Variants in CCDC171 observed in about 807,000 individuals in gnomAD.
The protein encoded by CCDC171 is coiled-coil domain-containing protein 171.
Under a neutral mutation model 168.2 loss-of-function variants are expected in CCDC171, and 177 were observed. That is an observed-to-expected ratio of 1.05 (90% CI 0.93 to 1.19). The LOEUF is 1.19. CCDC171 is among the 50% of genes most tolerant of loss of function. The pLI, the probability that CCDC171 is intolerant of heterozygous loss-of-function variation, is 0.00. For synonymous variants in CCDC171, 687 were observed against 540.8 expected (o/e 1.27, Z -3.75); for missense variants, 1,991 against 1,539.0 (o/e 1.29, Z -4.91).
At chr9:15,893,178 A>G (rs1820444126) in intron 24 of CCDC171, among the ~76,000 whole-genome samples, 1 of 152,222 alleles carries the variant, frequency 6.6e-6, no homozygotes, top group Admixed American at 6.5e-5. Flanking sequence ...AAAACAAGCA[A>G]TGGGGAAAAA....
At chr9:15,951,881 G>T (rs757216576) in intron 25 of CCDC171, among the ~76,000 whole-genome samples, 11 of 152,060 alleles carry the variant, frequency 7.2e-5, no homozygotes, top group African/African-American at 2.4e-4. Flanking sequence ...AGTTCAATTT[G>T]TCTGTTTTTT....
At chr9:15,980,578 G>T (rs1225110613) in intron 3 of CCDC171, among the ~76,000 whole-genome samples, 1 of 152,040 alleles carries the variant, frequency 6.6e-6, no homozygotes, top group African/African-American at 2.4e-5. Flanking sequence ...TTTCTTAAAA[G>T]CCATCTTTCA....
At chr9:15,615,241 A>T (rs1048396903) in intron 6 of CCDC171, among the ~76,000 whole-genome samples, 1 of 152,176 alleles carries the variant, frequency 6.6e-6, no homozygotes, top group African/African-American at 2.4e-5. Context: ...TTCTAACTCA[A>T]TGTAGTCAGT....
chr9:15,802,605 GCATGGTATTC>G (rs1458720107), intron 21 of CCDC171, among the ~76,000 whole-genome samples: 6 of 152,120 alleles, frequency 3.9e-5, no homozygotes, highest in Admixed American at 2.0e-4. Context: ...TTTTATGGCT[GCATGGTATTC>G]CATGTTGTAT....
chr9:15,893,253 C>T (rs1381005672), intron 24 of CCDC171, among the ~76,000 whole-genome samples: 1 of 152,074 alleles, frequency 6.6e-6, no homozygotes, highest in Non-Finnish European at 1.5e-5. Context: ...GAAACTGGAC[C>T]CCTTCTTTAC....
intron 11 of CCDC171, among the ~76,000 whole-genome samples, chr9:15,713,869 A>C (rs2052876440): frequency 6.6e-6 from 1 of 151,402 alleles, no homozygotes; most frequent in Non-Finnish European, 1.5e-5. Context: ...TCTACATACT[A>C]GATTGTGATA....
At chr9:15,933,391 T>C (rs928710756) in intron 25 of CCDC171, among the ~76,000 whole-genome samples, 2 of 151,912 alleles carry the variant, frequency 1.3e-5, no homozygotes, top group African/African-American at 4.8e-5. Context: ...ATATTATTTA[T>C]TTTTTCTTTC....
intron 21 of CCDC171, among the ~76,000 whole-genome samples, chr9:15,787,714 A>G (rs1053474044): frequency 3.3e-5 from 5 of 152,232 alleles, no homozygotes; most frequent in Admixed American, 2.6e-4. Flanking sequence ...GCCTACAGCA[A>G]GTTTCTACTG....
At chr9:15,901,494 C>A (rs549608926) in intron 24 of CCDC171, among the ~76,000 whole-genome samples, 1 of 152,110 alleles carries the variant, frequency 6.6e-6, no homozygotes. Flanking sequence ...TTCTGTGAAC[C>A]TAAAATTGCT....
chr9:16,064,614 G>C (rs2133091058), downstream of CCDC171, among the ~76,000 whole-genome samples: 1 of 152,246 alleles, frequency 6.6e-6, no homozygotes, highest in East Asian at 1.9e-4. Flanking sequence ...TCTCAATGAG[G>C]ATCTTTGTGT....
In CCDC171 at chr9:15,973,515, C is replaced by G. The variant is rs1831526546; in HGVS notation, c.*1679C>G. The G allele has an allele frequency of 1.3e-5, 2 of 152,200 alleles. No homozygotes were observed. Among genetic ancestry groups the G allele is most frequent in the African/African-American group, 4.8e-5 (2 of 41,556 alleles). The allele number at this position is 152,200 out of a possible 1,614,324, so 9.4% of individuals were successfully genotyped here. ...ATCCTATTCTTGTAATACTGAACCACTATAATTAGCTTTATATAAAACTTT... is the reference window on the plus strand; with the variant it reads ...ATCCTATTCTTGTAATACTGAACCAGTATAATTAGCTTTATATAAAACTTT... On this transcript the variant is annotated 3_prime_UTR_variant, in exon 26 of 26. Transcript: ENST00000380701.
rs533811137 is a variant in CCDC171 at position 15,874,539 on chromosome 9, A to G, written c.3476A>G (p.Asp1159Gly). The G allele has an allele frequency of 1.6e-5, 25 of 1,600,282 alleles. No homozygotes were observed. In the African/African-American group the frequency reaches 3.2e-4, roughly 21 times the overall value. ...CTGTTTTTTTCCCTTTAGGTCAGAG[A>G]TCAGATCTCGCTGTCATGGTCTGCG... ...AVENTLHKVRDQISLSWSAAS... is the reference protein window; with the variant it reads ...AVENTLHKVRGQISLSWSAAS... Residue 1159 changes from aspartate to glycine, a missense_variant, in exon 24 of 26, where the codon GAT becomes GGT. Asp to Gly is a moderately conservative substitution (Grantham distance 94). Coordinates refer to ENST00000380701, the MANE Select transcript of CCDC171 (RefSeq NM_173550.4).
intron 5 of CCDC171, among the ~76,000 whole-genome samples, chr9:15,593,495 T>A (rs531171090): frequency 5.9e-4 from 90 of 152,234 alleles, no homozygotes; most frequent in African/African-American, 2.0e-3. Context: ...TTTTTAACAT[T>A]CTAGAGTTTC....
In CCDC171 at chr9:15,972,182, A is replaced by T. The variant is rs1831422783; in HGVS notation, c.*346A>T. On this transcript the variant is annotated 3_prime_UTR_variant, in exon 26 of 26. Transcript: ENST00000380701. ...GTTGTTTCATACTTGTCTATTTTAAAGCAGGACTGCAATGCTTTAATAGGA... is the reference window on the plus strand; with the variant it reads ...GTTGTTTCATACTTGTCTATTTTAATGCAGGACTGCAATGCTTTAATAGGA... The T allele has an allele frequency of 4.1e-6, 1 of 246,534 alleles. No individual in the cohort carries two copies. Among genetic ancestry groups the T allele is most frequent in the African/African-American group, 2.3e-5 (1 of 43,560 alleles). The allele number at this position is 246,534 out of a possible 1,614,324, so 15.3% of individuals were successfully genotyped here.
chr9:15,571,457 T>C (rs762456790), intron 2 of CCDC171, among the ~76,000 whole-genome samples, 167 bp from the exon 3 acceptor site: 6 of 152,200 alleles, frequency 3.9e-5, no homozygotes, highest in Admixed American at 1.3e-4. Flanking sequence ...TTTGTATTTC[T>C]ACATAGCTTT....
intron 23 of CCDC171, among the ~76,000 whole-genome samples, chr9:15,863,346 T>C (rs189481570): frequency 5.7e-4 from 86 of 152,164 alleles, no homozygotes; most frequent in African/African-American, 1.9e-3. Flanking sequence ...AGCTACTTTC[T>C]TGAATTTCCA....
At chr9:15,690,425 A>G (rs1404634946) in intron 10 of CCDC171, among the ~76,000 whole-genome samples, 2 of 152,228 alleles carry the variant, frequency 1.3e-5, no homozygotes, top group Non-Finnish European at 2.9e-5. Context: ...TGTATGCCAA[A>G]TCAATGTTTA....
chr9:15,591,651 T>G, intron 5 of CCDC171, 95 bp downstream of exon 5: 1 of 737,738 alleles, frequency 1.4e-6, no homozygotes. Context: ...CCTTCCTTCC[T>G]TTTTCCTTCC....
intron 6 of CCDC171, among the ~76,000 whole-genome samples, chr9:15,608,944 C>CAAAAAAAAAAA (rs71491669): frequency 1.5e-4 from 2 of 13,722 alleles, no homozygotes; most frequent in African/African-American, 2.5e-4. Flanking sequence ...GACCCTGTCT[C>CAAAAAAAAAAA]AAAAAAAAAA....
Sources: gnomAD v4.1 joint callset for allele counts (sites outside exome capture counted in the v4.1 genomes callset) on GRCh38, gnomAD v4.1.1 for gene constraint, MANE v1.5 for transcripts, NCBI Gene and HGNC (gene_info 2026-07-23, HGNC 2026-07-21) for gene names.